Variants in IGBP1 observed in about 807,000 individuals in gnomAD.
IGBP1 encodes the protein immunoglobulin binding protein 1.
Under a neutral mutation model 25.9 loss-of-function variants are expected in IGBP1, and 2 were observed. The ratio of observed to expected loss-of-function variants is 0.08; its 90% CI spans 0.03 to 0.24. IGBP1 has a LOEUF of 0.24. Among genes scored for constraint, IGBP1 ranks in the 10% least tolerant of loss-of-function variants. The pLI, the probability that IGBP1 is intolerant of heterozygous loss-of-function variation, is 1.00. For synonymous variants in IGBP1, 96 were observed against 93.4 expected (o/e 1.03, Z -0.16); for missense variants, 187 against 260.4 (o/e 0.72, Z 1.94).
At chrX:70,136,670 T>C (rs59856053) in intron 3 of IGBP1, among the ~76,000 whole-genome samples, 3,452 of 109,124 alleles carry the variant, frequency 0.032, 61 homozygotes, top group African/African-American at 0.065. Flanking sequence ...GTGACTGAGA[T>C]CCACTGAAGA....
At chrX:70,158,869 C>T (rs992767617) in intron 6 of IGBP1, among the ~76,000 whole-genome samples, 2 of 111,207 alleles carry the variant, frequency 1.8e-5, no homozygotes, top group Non-Finnish European at 3.8e-5. Flanking sequence ...AAAAGAAACA[C>T]TGAAATGTAT....
chrX:70,151,202 C>T (rs1362947088), intron 6 of IGBP1, among the ~76,000 whole-genome samples: 3 of 111,505 alleles, frequency 2.7e-5, no homozygotes, highest in Non-Finnish European at 5.7e-5. Context: ...CTCAGGTGAT[C>T]GGCCCACCTC....
At position 70,146,764 on chromosome X, in the gene IGBP1, T is replaced by C; in HGVS notation, c.614T>C (p.Leu205Ser). The C allele has an allele frequency of 8.3e-7, 1 of 1,206,912 alleles. No individual in the cohort carries two copies. Among genetic ancestry groups the C allele is most frequent in the South Asian group, 1.8e-5 (1 of 56,872 alleles). The change falls in exon 4 of 7, where the codon TTA (leucine) becomes TCA (serine). Residue 205 changes from leucine (L) to serine (S), a missense_variant. Coordinates refer to ENST00000356413, the MANE Select transcript of IGBP1 (RefSeq NM_001551.3). The part of the protein sequence containing the change: ...LHLQRWIDIS[L>S]EEIESIDQEI... ...CTTCAGAGGTGGATTGATATCAGCT[T>C]AGAAGAGATTGAGAGCATTGACCAG... is the stretch of plus-strand genomic sequence containing the variant.
At chrX:70,148,181 C>T (rs1367056560) in intron 4 of IGBP1, among the ~76,000 whole-genome samples, 1 of 112,003 alleles carries the variant, frequency 8.9e-6, no homozygotes, top group East Asian at 2.8e-4. Context: ...AAGTGAGCAC[C>T]TTTTCTTTAA....
At chrX:70,138,029 GGGAGGCTGAGGCA>G (rs1205229046) in intron 3 of IGBP1, among the ~76,000 whole-genome samples, 1 of 109,455 alleles carries the variant, frequency 9.1e-6, no homozygotes, top group Non-Finnish European at 1.9e-5. Context: ...CCAGGTACTC[GGGAGGCTGAGGCA>G]GCAGAATCGC....
intron 2 of IGBP1, 23 bp downstream of exon 2, chrX:70,134,158 T>G: frequency 8.4e-7 from 1 of 1,186,174 alleles, no homozygotes; most frequent in African/African-American, 1.7e-5. Context: ...ATAGTAATAA[T>G]GGCTGAGAAC....
intron 6 of IGBP1, among the ~76,000 whole-genome samples, chrX:70,165,522 TG>T (rs911344516): frequency 9.4e-6 from 1 of 106,529 alleles, no homozygotes; most frequent in African/African-American, 3.4e-5. Context: ...TTTAGGGGCT[TG>T]GGGGGGGTGG....
intron 6 of IGBP1, among the ~76,000 whole-genome samples, chrX:70,154,470 G>A (rs192922962): frequency 4.6e-5 from 5 of 108,182 alleles, no homozygotes; most frequent in Admixed American, 1.0e-4. Flanking sequence ...TCAAGAGAAT[G>A]AGAAAACAAG....
intron 6 of IGBP1, among the ~76,000 whole-genome samples, chrX:70,153,858 C>T (rs766513751): frequency 9.0e-6 from 1 of 110,834 alleles, no homozygotes; most frequent in African/African-American, 3.3e-5. Context: ...TTCCGCTCCC[C>T]AAAGTGAATG....
Position 70,134,642 on chromosome X carries a change from A to T in IGBP1, c.308A>T (p.Gln103Leu). Residue 103 changes from glutamine to leucine, a missense_variant, in exon 3 of 7, where the codon CAG becomes CTG. Gln to Leu is a moderately radical substitution (Grantham distance 113). Coordinates refer to ENST00000356413, the MANE Select transcript of IGBP1 (RefSeq NM_001551.3). ...CCCAGCAAGCGTCTAGATCATTTGC[A>T]GCGGGCTCGAGAACACTTTATAAAC... ...VNPSKRLDHL[Q>L]RAREHFINYL... is the part of the protein sequence containing the mutation. 1 of 1,211,795 alleles carries T rather than the reference A, an allele frequency of 8.3e-7. No individual in the cohort carries two copies. Among genetic ancestry groups the T allele is most frequent in the Non-Finnish European group, 1.1e-6 (1 of 895,435 alleles).
At position 70,161,208 on chromosome X, in the gene IGBP1, A is replaced by G. The variant is rs1396391088; in HGVS notation, c.872-4625A>G. On this transcript the variant is annotated intron_variant, in intron 6 of 6. Transcript: ENST00000356413. ...GTGTCTTAGAGAAATAACTGACTAC[A>G]ATTCTGGGGCAGGAAATATACAAAT... is the stretch of plus-strand genomic sequence containing the variant. Among the ~76,000 whole-genome samples the G allele has an allele frequency of 3.6e-5, 4 of 112,209 alleles. No individual in the cohort carries two copies. The Admixed American group carries it at 3.8e-4, about 11-fold the overall frequency.
intron 3 of IGBP1, among the ~76,000 whole-genome samples, chrX:70,143,530 T>C (rs1199888752): frequency 8.9e-6 from 1 of 112,051 alleles, no homozygotes; most frequent in Admixed American, 9.5e-5. Context: ...CTTAACTCTC[T>C]TCAACAGCTT....
At chrX:70,151,272 T>C (rs188289534) in intron 6 of IGBP1, among the ~76,000 whole-genome samples, 96 of 111,451 alleles carry the variant, frequency 8.6e-4, no homozygotes, top group African/African-American at 3.0e-3. Flanking sequence ...TCCTATCACT[T>C]AATAGATGGA....
chrX:70,152,939 A>C (rs2085212708), intron 6 of IGBP1, among the ~76,000 whole-genome samples: 1 of 112,191 alleles, frequency 8.9e-6, no homozygotes, highest in African/African-American at 3.2e-5. Flanking sequence ...ATGATGACTA[A>C]AGATTTCCCA....
chrX:70,136,340 A>G (rs1241777878), intron 3 of IGBP1, among the ~76,000 whole-genome samples: 1 of 112,131 alleles, frequency 8.9e-6, no homozygotes, highest in African/African-American at 3.2e-5. Flanking sequence ...CTTTATTATA[A>G]AATAGGCCTT....
intron 6 of IGBP1, among the ~76,000 whole-genome samples, chrX:70,158,857 CAAAA>C (rs1330115351): frequency 9.0e-6 from 1 of 110,927 alleles, no homozygotes; most frequent in Non-Finnish European, 1.9e-5. Flanking sequence ...AATAAAAAAA[CAAAA>C]AGAAACACTG....
chrX:70,161,001 A>G (rs1373084803), intron 6 of IGBP1, among the ~76,000 whole-genome samples: 1 of 111,617 alleles, frequency 9.0e-6, no homozygotes, highest in Non-Finnish European at 1.9e-5. Flanking sequence ...GTAGTACTCC[A>G]TATGAACTCA....
intron 6 of IGBP1, chrX:70,165,239 C>A (rs1352430952): frequency 8.6e-6 from 1 of 116,416 alleles, no homozygotes; most frequent in African/African-American, 3.3e-5. Context: ...TGGGTGTACA[C>A]TGCATGATAA....
intron 6 of IGBP1, among the ~76,000 whole-genome samples, chrX:70,159,772 G>T (rs983617652): frequency 8.1e-5 from 9 of 111,276 alleles, no homozygotes; most frequent in African/African-American, 2.9e-4. Flanking sequence ...TGGCAATTCA[G>T]GCACCAGGAA....
Sources: gnomAD v4.1 joint callset for allele counts (sites outside exome capture counted in the v4.1 genomes callset) on GRCh38, gnomAD v4.1.1 for gene constraint, MANE v1.5 for transcripts, NCBI Gene and HGNC (gene_info 2026-07-23, HGNC 2026-07-21) for gene names.